MYT1L: variants seen among roughly 807,000 people sequenced by gnomAD.
The protein encoded by MYT1L is myelin transcription factor 1-like protein.
A neutral mutation model predicts 126.7 loss-of-function variants in MYT1L; 12 were observed. The observed-to-expected ratio is 0.09, with a 90% CI of 0.06 to 0.15. The LOEUF (loss-of-function observed/expected upper bound fraction) is 0.15, where lower values mean the gene tolerates loss of function less well. Ranked by LOEUF, MYT1L falls within the 10% of genes least tolerant of loss-of-function variation. MYT1L has a pLI of 1.00. For missense variants in MYT1L, 979 were observed against 1,585.2 expected (o/e 0.62, Z 6.49); for synonymous variants, 541 against 604.2 (o/e 0.90, Z 1.53).
intron 4 of MYT1L, among the ~76,000 whole-genome samples, chr2:2,027,251 C>G (rs917443649): frequency 2.6e-5 from 4 of 152,134 alleles, no homozygotes; most frequent in Non-Finnish European, 5.9e-5. Context: ...AGGCAGAGCA[C>G]CCTCCCGGCT....
chr2:2,116,973 A>T (rs2080296329), intron 3 of MYT1L, among the ~76,000 whole-genome samples: 1 of 152,210 alleles, frequency 6.6e-6, no homozygotes, highest in Non-Finnish European at 1.5e-5. Flanking sequence ...GGACCTACCC[A>T]GTGAGGGCAG....
chr2:2,246,907 T>C (rs566388070), intron 2 of MYT1L, among the ~76,000 whole-genome samples: 51 of 152,304 alleles, frequency 3.3e-4, no homozygotes, highest in African/African-American at 1.1e-3. Context: ...CCACAGAGCA[T>C]GGAGGCTGAG....
chr2:1,983,824 T>C (rs560347697), intron 5 of MYT1L, among the ~76,000 whole-genome samples: 13 of 152,326 alleles, frequency 8.5e-5, no homozygotes, highest in African/African-American at 2.9e-4. Context: ...TGATCTTCCT[T>C]GGAACTGGAG....
intron 9 of MYT1L, among the ~76,000 whole-genome samples, chr2:1,937,588 C>T (rs908248215): frequency 2.7e-5 from 4 of 150,220 alleles, no homozygotes; most frequent in East Asian, 3.9e-4. Flanking sequence ...GCCATCAGAT[C>T]GCAAGTCGAG....
At chr2:2,108,262 G>C (rs2078991445) in intron 3 of MYT1L, among the ~76,000 whole-genome samples, 3 of 152,198 alleles carry the variant, frequency 2.0e-5, no homozygotes, top group Admixed American at 2.0e-4. Flanking sequence ...AACAGACGGA[G>C]CTGTGGCCAC....
At chr2:1,990,425 G>A (rs990127757) in intron 5 of MYT1L, among the ~76,000 whole-genome samples, 3 of 152,210 alleles carry the variant, frequency 2.0e-5, no homozygotes, top group African/African-American at 7.2e-5. Flanking sequence ...AGGAAATCAC[G>A]AGGAAGACAG....
chr2:2,180,362 TA>T (rs567729988), intron 2 of MYT1L, among the ~76,000 whole-genome samples: 5,133 of 139,236 alleles, frequency 0.037, 107 homozygotes, highest in African/African-American at 0.042. Flanking sequence ...CATAAGCTCT[TA>T]AAAAAAAAAA....
At chr2:1,842,147 G>C (rs1011900429) in intron 19 of MYT1L, 1 of 152,302 alleles carries the variant, frequency 6.6e-6, no homozygotes, top group Non-Finnish European at 1.5e-5. Context: ...CTTCTCCCTG[G>C]CTTTCCTGAG....
At position 2,322,304 on chromosome 2, in the gene MYT1L, A is replaced by T. The variant is rs575614369; in HGVS notation, c.-521+8663T>A. On this transcript the variant is annotated intron_variant, in intron 1 of 24. Transcript: ENST00000647738. The stretch of plus-strand genomic sequence containing the variant: ...ACACAGGGTACTTAAGTCAAAGAGC[A>T]CTTCATCTTTGGACTAATATCTTGG... Among the ~76,000 whole-genome samples, 4 of 152,184 alleles carry T rather than the reference A, an allele frequency of 2.6e-5. No individual in the cohort carries two copies. The South Asian group carries it at 8.3e-4, about 32-fold the overall frequency.
intron 9 of MYT1L, among the ~76,000 whole-genome samples, chr2:1,934,147 T>G (rs2055440653): frequency 6.6e-6 from 1 of 151,470 alleles, no homozygotes; most frequent in East Asian, 2.0e-4. Context: ...GCTAATTTTT[T>G]GTATTTTTAG....
chr2:2,218,729 T>C (rs1421496769), intron 2 of MYT1L, among the ~76,000 whole-genome samples: 4 of 152,232 alleles, frequency 2.6e-5, no homozygotes, highest in South Asian at 4.1e-4. Context: ...AGTAGAGCTG[T>C]TAAAACAGCA....
chr2:1,975,602 G>A (rs1374554261), intron 8 of MYT1L, among the ~76,000 whole-genome samples: 9 of 152,096 alleles, frequency 5.9e-5, no homozygotes, highest in African/African-American at 2.2e-4. Flanking sequence ...GGTGGCATGC[G>A]CCTGTGATCC....
intron 1 of MYT1L, among the ~76,000 whole-genome samples, chr2:2,300,025 T>C (rs960730112): frequency 6.6e-6 from 1 of 152,228 alleles, no homozygotes; most frequent in African/African-American, 2.4e-5. Context: ...TCGCTTATTA[T>C]TATGAAACAC....
At position 2,212,295 on chromosome 2, in the gene MYT1L, G is replaced by A. The variant is rs73913257; in HGVS notation, c.-420-39307C>T. Among the ~76,000 whole-genome samples the A allele has an allele frequency of 9.3e-3, 1,412 of 151,210 alleles. 22 individuals carry two copies. The highest frequency in any genetic ancestry group is 0.029 in the African/African-American group (1,195 of 41,050). ...CAAACTCCCCCAGGATGAGTTACCC[G>A]ATAATAAAGGAGCAGGCGAAATTTT... On this transcript the variant is annotated intron_variant, in intron 2 of 24. Coordinates refer to ENST00000647738, the MANE Select transcript of MYT1L (RefSeq NM_001303052.2).
At chr2:2,130,003 A>G (rs931709556) in intron 3 of MYT1L, among the ~76,000 whole-genome samples, 4 of 152,186 alleles carry the variant, frequency 2.6e-5, no homozygotes, top group Non-Finnish European at 5.9e-5. Context: ...CATAAATTTT[A>G]ATTTTCTACG....
At chr2:2,200,683 A>G (rs1371816606) in intron 2 of MYT1L, among the ~76,000 whole-genome samples, 1 of 152,200 alleles carries the variant, frequency 6.6e-6, no homozygotes, top group Admixed American at 6.5e-5. Context: ...GAGAGAGTTG[A>G]GGAGGAAAGT....
intron 21 of MYT1L, among the ~76,000 whole-genome samples, chr2:1,838,240 T>C (rs2041173387): frequency 6.6e-6 from 1 of 152,090 alleles, no homozygotes; most frequent in Admixed American, 6.5e-5. Flanking sequence ...CCCATTTACA[T>C]TGTTTGAATT....
chr2:2,022,187 A>C (rs1225915583), intron 4 of MYT1L, among the ~76,000 whole-genome samples: 1 of 152,164 alleles, frequency 6.6e-6, no homozygotes, highest in African/African-American at 2.4e-5. Context: ...CCACAGGCAC[A>C]CATCTACTGA....
intron 1 of MYT1L, among the ~76,000 whole-genome samples, chr2:2,327,592 T>G (rs1033729763): frequency 1.3e-5 from 2 of 152,238 alleles, no homozygotes; most frequent in Non-Finnish European, 2.9e-5. Flanking sequence ...ACTGTAGATC[T>G]CTCTTTCTGA....
Sources: gnomAD v4.1 joint callset for allele counts (sites outside exome capture counted in the v4.1 genomes callset) on GRCh38, gnomAD v4.1.1 for gene constraint, MANE v1.5 for transcripts, NCBI Gene and HGNC (gene_info 2026-07-23, HGNC 2026-07-21) for gene names.